PBRM1: variants seen among roughly 807,000 people sequenced by gnomAD.
PBRM1 encodes the protein polybromo 1, also known as protein polybromo-1.
A neutral mutation model predicts 194.5 loss-of-function variants in PBRM1; 27 were observed. The ratio of observed to expected loss-of-function variants is 0.14; its 90% CI spans 0.10 to 0.19. The LOEUF is 0.19. PBRM1 is among the 10% of genes least tolerant of loss of function. PBRM1 has a pLI of 1.00. For missense variants in PBRM1, 1,466 were observed against 2,077.2 expected (o/e 0.71, Z 5.72); for synonymous variants, 655 against 693.2 (o/e 0.94, Z 0.87).
intron 10 of PBRM1, among the ~76,000 whole-genome samples, chr3:52,641,596 G>T (rs952592469): frequency 1.3e-5 from 2 of 151,788 alleles, no homozygotes; most frequent in Admixed American, 6.6e-5. Flanking sequence ...AAGCCAAGAA[G>T]AAATTAGAGC....
chr3:52,654,472 T>C (rs1025361738), intron 5 of PBRM1, among the ~76,000 whole-genome samples: 2 of 152,128 alleles, frequency 1.3e-5, no homozygotes, highest in Non-Finnish European at 2.9e-5. Context: ...ATCTCTCCCA[T>C]GCAGCCAGCT....
intron 17 of PBRM1, among the ~76,000 whole-genome samples, chr3:52,594,180 G>A (rs1197508186): frequency 6.6e-6 from 1 of 152,100 alleles, no homozygotes; most frequent in Non-Finnish European, 1.5e-5. Context: ...CTATACCCAG[G>A]CCTTTTTCTT....
chr3:52,673,331 TA>T (rs1296724021), intron 2 of PBRM1, among the ~76,000 whole-genome samples: 1 of 151,028 alleles, frequency 6.6e-6, no homozygotes, highest in Non-Finnish European at 1.5e-5. Flanking sequence ...AACCAGGTGT[TA>T]AAAAACAAAA....
chr3:52,632,636 C>T (rs796186820), intron 11 of PBRM1, among the ~76,000 whole-genome samples: 13 of 151,348 alleles, frequency 8.6e-5, no homozygotes, highest in Admixed American at 2.6e-4. Flanking sequence ...AGGTTACTAT[C>T]CCCCCCAATT....
rs564905794 is a variant in PBRM1 at position 52,636,856 on chromosome 3, C to A, written c.1088-2041G>T. 2.8e-5 allele frequency among the ~76,000 whole-genome samples: 3 copies of A among 106,684 alleles called. No homozygotes were observed. The East Asian group carries it at 7.8e-4, about 28-fold the overall frequency. The allele number at this position is 106,684 out of a possible 152,430, so 70.0% of individuals were successfully genotyped here. A position where few individuals can be genotyped will look rare whatever the true frequency, so the allele number is the denominator to read the frequency against. ...CCTGGGCGACAGAGTGAGACTCCGC[C>A]TTAAAAAAAAAAAAAAGAATTTAAT... is the stretch of plus-strand genomic sequence containing the variant. On this transcript the variant is annotated intron_variant, in intron 10 of 29. Coordinates refer to ENST00000296302, the Ensembl canonical transcript of PBRM1.
chr3:52,547,857 T>C (rs143189756), downstream of PBRM1: 222 of 461,222 alleles, frequency 4.8e-4, no homozygotes, highest in African/African-American at 4.1e-3. Flanking sequence ...AAAAAATCTT[T>C]GTGTATTTGA....
At chr3:52,590,267 C>T (rs2092903806) in intron 17 of PBRM1, among the ~76,000 whole-genome samples, 1 of 151,800 alleles carries the variant, frequency 6.6e-6, no homozygotes, top group Admixed American at 6.6e-5. Flanking sequence ...CCAGCCTGGC[C>T]AACATGGTGA....
Position 52,609,831 on chromosome 3 carries a change from T to C in PBRM1, c.2049A>G (p.Ile683Met). The C allele has an allele frequency of 6.2e-7, 1 of 1,613,522 alleles. No individual in the cohort carries two copies. Among genetic ancestry groups the C allele is most frequent in the Non-Finnish European group, 8.5e-7 (1 of 1,179,760 alleles). The change falls in exon 16 of 30, where the codon ATA becomes ATG. Residue 683 changes from isoleucine (I) to methionine (M), a missense_variant. Physicochemically the swap from Ile to Met is conservative, Grantham distance 10. Transcript: ENST00000296302. The surrounding 1 kb of genome is among the most constrained non-coding windows in gnomAD (Gnocchi z 4.1). ...CAGATCTAGAGGGAAGCCTCAGAAA[T>C]ATGGCACTGAGGCGGCGACCCCTCT...
In PBRM1 at chr3:52,642,063, G is replaced by A. The variant is rs200167093; in HGVS notation, c.996-18C>T. On this transcript the variant is annotated intron_variant, in intron 9 of 29. Coordinates refer to ENST00000296302, the Ensembl canonical transcript of PBRM1. The stretch of plus-strand genomic sequence containing the variant: ...TTTTATTACTACAAAAAAAAAAAAA[G>A]CAATTAGACAGGGAAGGATGTTATA... 9,767 of 1,067,620 alleles carry A rather than the reference G, an allele frequency of 9.1e-3. 24 individuals carry two copies. The highest frequency in any genetic ancestry group is 0.012 in the Non-Finnish European group (8,495 of 694,328). 66.1% of individuals were successfully genotyped at this position (1,067,620 alleles called of 1,614,324 possible).
At chr3:52,640,490 T>TG (rs2096030607) in intron 10 of PBRM1, among the ~76,000 whole-genome samples, 1 of 151,880 alleles carries the variant, frequency 6.6e-6, no homozygotes, top group Non-Finnish European at 1.5e-5. Flanking sequence ...AGGCTGGTCT[T>TG]GAACTTCTGG....
intron 22 of PBRM1, among the ~76,000 whole-genome samples, chr3:52,575,358 C>T (rs558896213): frequency 6.1e-4 from 92 of 151,954 alleles, no homozygotes; most frequent in African/African-American, 2.0e-3. Context: ...TTATAATACC[C>T]AAAATGAGCA....
Position 52,577,342 on chromosome 3 carries a change from G to A in PBRM1, c.3534-644C>T, listed in dbSNP as rs1325916951. On this transcript the variant is annotated intron_variant, in intron 21 of 29. Coordinates refer to ENST00000296302, the Ensembl canonical transcript of PBRM1. ...GCTACTTGGGAGGCTGAGGTGGGAA[G>A]ATGGCTTGAGCCCAGGAGGTGGAGG... 2.0e-5 allele frequency among the ~76,000 whole-genome samples: 3 copies of A among 147,460 alleles called. No individual in the cohort carries two copies. In the South Asian group the frequency reaches 6.5e-4, roughly 32 times the overall value.
chr3:52,586,921 T>C (rs555094096), intron 19 of PBRM1, among the ~76,000 whole-genome samples: 5 of 152,204 alleles, frequency 3.3e-5, no homozygotes, highest in South Asian at 2.1e-4. Context: ...AAACAAATAA[T>C]TCCATTTAGC....
chr3:52,579,184 G>C (rs1232088834), exon 21 of PBRM1: 3 of 1,613,782 alleles, frequency 1.9e-6, no homozygotes, highest in Non-Finnish European at 2.5e-6. Flanking sequence ...ATTTCCACAG[G>C]GACATCTTCT....
At chr3:52,556,858 GA>G (rs2082324703) in intron 26 of PBRM1, among the ~76,000 whole-genome samples, 1 of 151,744 alleles carries the variant, frequency 6.6e-6, no homozygotes, top group Non-Finnish European at 1.5e-5. Context: ...TTTCTAGAGG[GA>G]CCACCTTCCT....
rs374822258 is a variant in PBRM1 at position 52,678,485 on chromosome 3, G to T, written c.236+15C>A. 9.0e-6 allele frequency: 14 copies of T among 1,547,954 alleles called. No homozygotes were observed. Among genetic ancestry groups the T allele is most frequent in the Non-Finnish European group, 1.3e-5 (14 of 1,119,768 alleles). ...CCAAATCCCCCGCAACTGTACTGAT[G>T]TGCTTCGAACTCACCTTCGCTTTGG... On this transcript the variant is annotated intron_variant, in intron 2 of 29. Transcript: ENST00000296302.
intron 11 of PBRM1, among the ~76,000 whole-genome samples, chr3:52,633,626 C>T (rs1339580744): frequency 1.3e-5 from 2 of 152,200 alleles, no homozygotes; most frequent in Non-Finnish European, 2.9e-5. Context: ...TACATTCCCA[C>T]TATCTGCACA....
exon 3 of PBRM1, chr3:52,668,644 T>C: frequency 6.5e-7 from 1 of 1,548,348 alleles, no homozygotes; most frequent in Middle Eastern, 1.8e-4. Context: ...TCTGGTTGAT[T>C]TCTGTTATAA....
chr3:52,564,043 G>A lies in PBRM1; in HGVS notation c.3875+7C>T. 1 of 1,595,422 alleles carries A rather than the reference G, an allele frequency of 6.3e-7. No individual in the cohort carries two copies. The highest frequency in any genetic ancestry group is 8.6e-7 in the Non-Finnish European group (1 of 1,167,536). ...GCTCTTTTTTCCTTAAGTTTTTCAA[G>A]CTTTACCTGAAGTAGTAAATTTCAT... On this transcript the variant is annotated splice_region_variant and intron_variant, in intron 23 of 29. Transcript: ENST00000296302.
Sources: gnomAD v4.1 joint callset for allele counts (sites outside exome capture counted in the v4.1 genomes callset) on GRCh38, gnomAD v4.1.1 for gene constraint, Gnocchi (gnomAD v3.1) non-coding constraint, MANE v1.5 for transcripts, NCBI Gene and HGNC (gene_info 2026-07-23, HGNC 2026-07-21) for gene names.